The following WWOX variants were observed in gnomAD, a reference collection of about 807,000 sequenced individuals.
The protein encoded by WWOX is WW domain containing oxidoreductase.
Under a neutral mutation model 46.2 loss-of-function variants are expected in WWOX, and 69 were observed. That is an observed-to-expected ratio of 1.49 (90% CI 1.23 to 1.82). The LOEUF (loss-of-function observed/expected upper bound fraction) is 1.82. WWOX is among the 40% of genes most tolerant of loss of function. The pLI, the probability that WWOX is intolerant of heterozygous loss-of-function variation, is 0.00. For synonymous variants in WWOX, 359 were observed against 202.6 expected, an observed-to-expected ratio of 1.77 and a Z score of -6.56; for missense variants, 919 against 542.6, an observed-to-expected ratio of 1.69 and a Z score of -6.89.
chr16:78,230,359 A>T (rs2037217511), intron 5 of WWOX, among the ~76,000 whole-genome samples: 1 of 152,220 alleles, frequency 6.6e-6, no homozygotes, highest in Non-Finnish European at 1.5e-5. Flanking sequence ...GATGTCTCTG[A>T]TGGAAATGGA....
intron 8 of WWOX, among the ~76,000 whole-genome samples, chr16:79,007,103 G>A (rs570600087): frequency 3.3e-5 from 5 of 152,246 alleles, no homozygotes; most frequent in African/African-American, 1.2e-4. Flanking sequence ...GCCAAGCAGA[G>A]AGGTCACAAT....
At chr16:78,914,958 A>G (rs1231027163) in intron 8 of WWOX, among the ~76,000 whole-genome samples, 4 of 151,824 alleles carry the variant, frequency 2.6e-5, no homozygotes, top group Non-Finnish European at 5.9e-5. Context: ...GTGGAGAGAC[A>G]GAGAATCAGT....
chr16:78,522,652 A>G (rs527778781), intron 8 of WWOX, among the ~76,000 whole-genome samples: 2 of 152,366 alleles, frequency 1.3e-5, no homozygotes, highest in South Asian at 4.1e-4. Context: ...TAGCAACACT[A>G]ATAAGTAATT....
intron 8 of WWOX, among the ~76,000 whole-genome samples, chr16:78,882,649 A>C (rs1203651536): frequency 6.6e-6 from 1 of 151,738 alleles, no homozygotes; most frequent in East Asian, 1.9e-4. Context: ...TACCGTGCCC[A>C]GCTAACTTTT....
At chr16:78,524,589 T>A (rs1182783275) in intron 8 of WWOX, among the ~76,000 whole-genome samples, 1 of 151,686 alleles carries the variant, frequency 6.6e-6, no homozygotes, top group Non-Finnish European at 1.5e-5. Context: ...CTCTGCTAAT[T>A]TTTATATTTT....
At chr16:78,135,407 T>A (rs892271536) in intron 4 of WWOX, among the ~76,000 whole-genome samples, 1 of 152,188 alleles carries the variant, frequency 6.6e-6, no homozygotes, top group Admixed American at 6.5e-5. Flanking sequence ...ATAAAAGACG[T>A]ACAGTAGGCA....
At chr16:79,113,938 A>G (rs1187339880) in intron 8 of WWOX, among the ~76,000 whole-genome samples, 1 of 152,214 alleles carries the variant, frequency 6.6e-6, no homozygotes, top group Non-Finnish European at 1.5e-5. Flanking sequence ...TGGCAGTCCT[A>G]AGGCCCAGCC....
intron 5 of WWOX, among the ~76,000 whole-genome samples, chr16:78,302,502 G>A (rs991781096): frequency 1.3e-5 from 2 of 152,142 alleles, no homozygotes; most frequent in African/African-American, 2.4e-5. Flanking sequence ...CCTACCTGCA[G>A]ACATGTTTTG....
chr16:79,049,430 G>A (rs940583647), intron 8 of WWOX, among the ~76,000 whole-genome samples: 4 of 152,202 alleles, frequency 2.6e-5, no homozygotes, highest in Non-Finnish European at 5.9e-5. Context: ...ACCTTGAGGG[G>A]CATCGATATT....
At chr16:78,937,362 C>G (rs746073396) in intron 8 of WWOX, among the ~76,000 whole-genome samples, 35 of 150,448 alleles carry the variant, frequency 2.3e-4, no homozygotes, top group Middle Eastern at 3.2e-3. Flanking sequence ...CAAAGACATC[C>G]TTTTTCTTTG....
rs553597927 is a variant in WWOX, at chr16:78,517,651, C to G, written c.1056+84899C>G. ...TGTCAAAAGTCCTCAGCGCTCCCCG[C>G]AATCCATGTCTGGTGGAAGCGCGAG... On this transcript the variant is annotated intron_variant, in intron 8 of 8. Coordinates refer to ENST00000566780, the MANE Select transcript of WWOX (RefSeq NM_016373.4). Among the ~76,000 whole-genome samples, 8 of 152,188 alleles carry G rather than the reference C, an allele frequency of 5.3e-5. No homozygotes were observed. In the East Asian group the frequency reaches 1.4e-3, roughly 26 times the overall value.
intron 4 of WWOX, among the ~76,000 whole-genome samples, chr16:78,150,524 G>A (rs2034367128): frequency 6.6e-6 from 1 of 152,144 alleles, no homozygotes; most frequent in African/African-American, 2.4e-5. Flanking sequence ...GACTACAGTT[G>A]CACACCACCA....
chr16:78,594,221 A>T (rs186009204), intron 8 of WWOX, among the ~76,000 whole-genome samples: 7 of 151,746 alleles, frequency 4.6e-5, no homozygotes, highest in Non-Finnish European at 8.8e-5. Flanking sequence ...AAGCAAACCT[A>T]TGTGTATGTG....
intron 8 of WWOX, among the ~76,000 whole-genome samples, chr16:78,477,009 TTG>T (rs2084366584): frequency 6.6e-6 from 1 of 152,120 alleles, no homozygotes; most frequent in African/African-American, 2.4e-5. Context: ...GTCTGCGCTT[TTG>T]TTGGTAATTA....
intron 6 of WWOX, among the ~76,000 whole-genome samples, chr16:78,406,303 A>AATATAAATAT (rs1200192812): frequency 1.7e-5 from 1 of 57,828 alleles, no homozygotes. Context: ...TATAAATATA[A>AATATAAATAT]ATATATATAT....
intron 6 of WWOX, among the ~76,000 whole-genome samples, chr16:78,396,997 C>A (rs184288077): frequency 1.4e-3 from 208 of 152,298 alleles, no homozygotes; most frequent in African/African-American, 4.8e-3. Flanking sequence ...CACCCTTTTT[C>A]ATCATGAGAA....
chr16:79,156,819 T>G (rs1401005545), intron 8 of WWOX, among the ~76,000 whole-genome samples: 1 of 134,386 alleles, frequency 7.4e-6, no homozygotes, highest in Admixed American at 7.0e-5. Context: ...GTTTAAACAC[T>G]TGCTGAAAGA....
chr16:78,223,349 A>G (rs2036952358), intron 5 of WWOX, among the ~76,000 whole-genome samples: 1 of 152,154 alleles, frequency 6.6e-6, no homozygotes, highest in Non-Finnish European at 1.5e-5. Context: ...TGGCCCCAAA[A>G]GTCAATAGTG....
intron 8 of WWOX, among the ~76,000 whole-genome samples, chr16:78,820,507 T>C (rs1485782696): frequency 1.3e-5 from 2 of 152,110 alleles, no homozygotes; most frequent in Admixed American, 1.3e-4. Flanking sequence ...ATGAGTAGAG[T>C]TGGCCATTGC....
Sources: gnomAD v4.1 joint callset for allele counts (sites outside exome capture counted in the v4.1 genomes callset) on GRCh38, gnomAD v4.1.1 for gene constraint, MANE v1.5 for transcripts, NCBI Gene and HGNC (gene_info 2026-07-23, HGNC 2026-07-21) for gene names.